Variants in AGMO observed in about 807,000 individuals in gnomAD.
AGMO encodes glyceryl-ether monooxygenase.
A neutral mutation model predicts 60.2 loss-of-function variants in AGMO; 75 were observed. The ratio of observed to expected loss-of-function variants is 1.25; its 90% CI spans 1.03 to 1.51. The LOEUF (loss-of-function observed/expected upper bound fraction) is 1.51, where lower values mean the gene tolerates loss of function less well. Among genes scored for constraint, AGMO ranks in the 40% most tolerant of loss-of-function variants. The pLI, the probability that AGMO is intolerant of heterozygous loss-of-function variation, is 0.00. For missense variants in AGMO, 763 were observed against 525.5 expected (o/e 1.45, Z -4.42); for synonymous variants, 261 against 177.1 (o/e 1.47, Z -3.76).
chr7:15,408,372 T>A (rs1205891002), intron 5 of AGMO, among the ~76,000 whole-genome samples: 1 of 151,800 alleles, frequency 6.6e-6, no homozygotes, highest in Non-Finnish European at 1.5e-5. Flanking sequence ...TGAAAATATA[T>A]AGGAGAGGGC....
At chr7:15,397,625 CCTCT>C (rs1285627839) in intron 5 of AGMO, among the ~76,000 whole-genome samples, 1 of 152,204 alleles carries the variant, frequency 6.6e-6, no homozygotes, top group Non-Finnish European at 1.5e-5. Flanking sequence ...CCCACCTCTC[CCTCT>C]CTTTCTCTTT....
intron 5 of AGMO, 66 bp downstream of exon 5, chr7:15,418,492 G>T: frequency 1.0e-6 from 1 of 962,654 alleles, no homozygotes; most frequent in Non-Finnish European, 1.6e-6. Context: ...ATCTGCTAGT[G>T]GATTTCCAGG....
chr7:15,352,739 C>T (rs1170622879), intron 12 of AGMO, among the ~76,000 whole-genome samples: 1 of 151,380 alleles, frequency 6.6e-6, no homozygotes, highest in East Asian at 1.9e-4. Context: ...ATCCATGCGC[C>T]TTTTTCTCAG....
chr7:15,476,160 T>G (rs1476817006), intron 3 of AGMO, among the ~76,000 whole-genome samples: 3 of 152,074 alleles, frequency 2.0e-5, no homozygotes, highest in Non-Finnish European at 4.4e-5. Flanking sequence ...GAATTTCACT[T>G]CAGGAATGGA....
intron 3 of AGMO, among the ~76,000 whole-genome samples, chr7:15,510,810 A>C (rs921061498): frequency 2.1e-5 from 1 of 46,986 alleles, no homozygotes; most frequent in African/African-American, 9.6e-5. Context: ...TGCATAAGGA[A>C]ACATTTTATT....
chr7:15,255,168 T>C (rs781054092), intron 12 of AGMO, among the ~76,000 whole-genome samples: 4 of 151,890 alleles, frequency 2.6e-5, no homozygotes, highest in Non-Finnish European at 5.9e-5. Context: ...TGTGAACATA[T>C]GGACATAGGG....
intron 12 of AGMO, among the ~76,000 whole-genome samples, chr7:15,323,517 ATTTGAGT>A (rs1188228448): frequency 6.6e-6 from 1 of 152,148 alleles, no homozygotes; most frequent in Non-Finnish European, 1.5e-5. Context: ...TATACTTTTC[ATTTGAGT>A]TTTGTCTTAC....
chr7:15,487,049 G>A (rs934528098), intron 3 of AGMO, among the ~76,000 whole-genome samples: 8 of 152,134 alleles, frequency 5.3e-5, no homozygotes, highest in Non-Finnish European at 8.8e-5. Context: ...ATAAAGCAAA[G>A]TTAGGAATTA....
chr7:15,466,741 T>C (rs1219714870), intron 3 of AGMO, among the ~76,000 whole-genome samples: 1 of 152,196 alleles, frequency 6.6e-6, no homozygotes, highest in Non-Finnish European at 1.5e-5. Flanking sequence ...AGAAATTATT[T>C]GTAAAGCATT....
At chr7:15,117,400 A>G in the AGMO span, among the ~76,000 whole-genome samples, 2 of 152,070 alleles carry the variant, frequency 1.3e-5, no homozygotes, top group Admixed American at 1.3e-4. Flanking sequence ...TTAGGGTAAT[A>G]TTCTACACCT....
intron 2 of AGMO, among the ~76,000 whole-genome samples, chr7:15,556,355 G>T (rs1030998275): frequency 6.6e-6 from 1 of 151,112 alleles, no homozygotes; most frequent in African/African-American, 2.4e-5. Context: ...GTAAAAATTG[G>T]CAGTGACCCA....
the AGMO span, among the ~76,000 whole-genome samples, chr7:15,188,513 A>G: frequency 6.6e-6 from 1 of 152,200 alleles, no homozygotes; most frequent in South Asian, 2.1e-4. Flanking sequence ...GTAGTTAAAG[A>G]GAGATTTATG....
intron 2 of AGMO, among the ~76,000 whole-genome samples, chr7:15,547,654 C>A (rs578039929): frequency 2.6e-5 from 4 of 151,888 alleles, no homozygotes; most frequent in East Asian, 1.9e-4. Context: ...GCACCTGGCT[C>A]GGAGGGTCCT....
chr7:15,269,556 G>T (rs1236925825), intron 12 of AGMO, among the ~76,000 whole-genome samples: 1 of 152,004 alleles, frequency 6.6e-6, no homozygotes, highest in Non-Finnish European at 1.5e-5. Flanking sequence ...GTTATTGAGG[G>T]TAATAAGGTC....
chr7:15,493,970 C>A (rs2128522254), intron 3 of AGMO, among the ~76,000 whole-genome samples: 1 of 152,214 alleles, frequency 6.6e-6, no homozygotes, highest in Non-Finnish European at 1.5e-5. Context: ...GTATCCACCA[C>A]CTCATGAATT....
At chr7:15,486,169 C>T (rs1295266062) in intron 3 of AGMO, among the ~76,000 whole-genome samples, 1 of 152,044 alleles carries the variant, frequency 6.6e-6, no homozygotes, top group Non-Finnish European at 1.5e-5. Flanking sequence ...ATTACATTTG[C>T]AAGCAGACAT....
Position 15,411,752 on chromosome 7 carries a change from A to G in AGMO, c.609+6806T>C, listed in dbSNP as rs572048538. 2.0e-5 allele frequency among the ~76,000 whole-genome samples: 3 copies of G among 152,208 alleles called. No homozygotes were observed. In the South Asian group the frequency reaches 6.2e-4, roughly 32 times the overall value. ...TACAGAAATTTAATATTCACTAAAC[A>G]TGTTTCTCTACAATCATTACTTAAA... On this transcript the variant is annotated intron_variant, in intron 5 of 12. Transcript: ENST00000342526.
intron 3 of AGMO, among the ~76,000 whole-genome samples, chr7:15,503,625 G>A (rs183686966): frequency 1.3e-4 from 20 of 151,992 alleles, no homozygotes; most frequent in South Asian, 4.2e-4. Flanking sequence ...AATAACTGGC[G>A]TCCATTTGTC....
rs1167807876 is a variant in AGMO, at chr7:15,322,557, A to AAT, written c.1263+42955_1263+42956dup. 1.8e-3 allele frequency among the ~76,000 whole-genome samples: 78 copies of AAT among 44,234 alleles called. 3 individuals carry two copies. Among genetic ancestry groups the AAT allele is most frequent in the African/African-American group, 0.011 (77 of 7,174 alleles). 29.0% of individuals were successfully genotyped at this position (44,234 alleles called of 152,430 possible). ...ATAAATATATATATAAATATATATA[A>AAT]ATATATAAATATATATAAATATATA... On this transcript the variant is annotated intron_variant, in intron 12 of 12. Transcript: ENST00000342526.
Sources: gnomAD v4.1 joint callset for allele counts (sites outside exome capture counted in the v4.1 genomes callset) on GRCh38, gnomAD v4.1.1 for gene constraint, MANE v1.5 for transcripts, NCBI Gene and HGNC (gene_info 2026-07-23, HGNC 2026-07-21) for gene names.